HADHB: variants seen among roughly 807,000 people sequenced by gnomAD.
HADHB encodes the protein hydroxyacyl-CoA dehydrogenase trifunctional multienzyme complex subunit beta, also known as trifunctional enzyme subunit beta, mitochondrial.
In HADHB, 50 loss-of-function variants were observed where a neutral mutation model predicts 61.9. The observed-to-expected ratio is 0.81, with a 90% CI of 0.64 to 1.02. The LOEUF (loss-of-function observed/expected upper bound fraction) is 1.02. Ranked by LOEUF, HADHB falls within the 50% of genes least tolerant of loss-of-function variation. The pLI is 0.00. For synonymous variants in HADHB, 191 were observed against 201.6 expected (o/e 0.95, Z 0.45); for missense variants, 504 against 586.5 (o/e 0.86, Z 1.45).
intron 3 of HADHB, among the ~76,000 whole-genome samples, chr2:26,259,537 A>G (rs368779792): frequency 5.3e-5 from 8 of 152,304 alleles, no homozygotes; most frequent in Non-Finnish European, 7.3e-5. Context: ...CCTCAGGGTT[A>G]TAGAACAGCT....
intron 3 of HADHB, among the ~76,000 whole-genome samples, chr2:26,257,880 G>C (rs1041763645): frequency 6.6e-6 from 1 of 152,006 alleles, no homozygotes; most frequent in South Asian, 2.1e-4. Context: ...TTAGCCGGGC[G>C]TGGTGGCGGG....
chr2:26,289,933 G>A lies in HADHB; in HGVS notation c.1405G>A (p.Val469Met), dbSNP rs1673196031. 2.5e-6 allele frequency: 4 copies of A among 1,609,416 alleles called. No homozygotes were observed. Among genetic ancestry groups the A allele is most frequent in the Non-Finnish European group, 1.7e-6 (2 of 1,175,758 alleles). ...AAGGQGHAMI[V>M]EAYPK The stretch of plus-strand genomic sequence containing the variant: ...TTCTTTACAGGGCCATGCTATGATA[G>A]TGGAAGCTTATCCAAAATAATAGAT... The change falls in exon 16 of 16, where the codon GTG becomes ATG. Residue 469 changes from valine (V) to methionine (M), a missense_variant. Physicochemically the swap from Val to Met is conservative, Grantham distance 21 (BLOSUM62 1). Transcript: ENST00000317799.
chr2:26,279,891 T>G (rs1574664130), intron 9 of HADHB, 103 bp from the exon 10 acceptor site: 7 of 851,010 alleles, frequency 8.2e-6, no homozygotes, highest in Non-Finnish European at 1.2e-5. Context: ...ATAGGTAAGG[T>G]TTATATTTCA....
intron 12 of HADHB, among the ~76,000 whole-genome samples, chr2:26,283,308 A>G (rs1461833302): frequency 6.6e-6 from 1 of 152,106 alleles, no homozygotes; most frequent in Non-Finnish European, 1.5e-5. Context: ...GCAGACCACG[A>G]GGTCAGGAGA....
rs111271129 is a variant in HADHB at position 26,257,989 on chromosome 2, A to G, written c.109+3515A>G. Among the ~76,000 whole-genome samples the G allele has an allele frequency of 6.3e-3, 954 of 152,128 alleles. 8 individuals carry two copies. Among genetic ancestry groups the G allele is most frequent in the African/African-American group, 0.022 (893 of 41,518 alleles). On this transcript the variant is annotated intron_variant, in intron 3 of 15. Transcript: ENST00000317799. ...AGCCGAGATCGTGCCACTGTACTCT[A>G]GCCTGGGGACAGAGCAAGACTCTGT...
At chr2:26,270,399 G>A (rs763703633) in intron 5 of HADHB, among the ~76,000 whole-genome samples, 71 of 152,326 alleles carry the variant, frequency 4.7e-4, no homozygotes, top group Non-Finnish European at 8.8e-4. Context: ...GAATAATTTG[G>A]TTGAGAATCA....
At chr2:26,271,479 C>T (rs1672346254) in intron 5 of HADHB, among the ~76,000 whole-genome samples, 1 of 151,968 alleles carries the variant, frequency 6.6e-6, no homozygotes, top group Non-Finnish European at 1.5e-5. Flanking sequence ...TGCACTCCAG[C>T]CTGGGCAACA....
At chr2:26,245,283 T>TGTGTGTGGGCGTGTGTGGGC (rs1056221682) in intron 1 of HADHB, 2 of 162,488 alleles carry the variant, frequency 1.2e-5, no homozygotes, top group East Asian at 3.4e-4. Flanking sequence ...TGTGTGTGGG[T>TGTGTGTGGGCGTGTGTGGGC]GTGTGTGGGC....
In HADHB at chr2:26,290,162, C is replaced by A; in HGVS notation, c.*209C>A. On this transcript the variant is annotated 3_prime_UTR_variant, in exon 16 of 16. Transcript: ENST00000317799. ...TACTGCTCTTTCAGGGATTTCTAAGCCACCAGAATCTCACATGAGATGTGT... is the reference window on the plus strand; with the variant it reads ...TACTGCTCTTTCAGGGATTTCTAAGACACCAGAATCTCACATGAGATGTGT... 1.7e-6 allele frequency: 1 copy of A among 597,974 alleles called. No homozygotes were observed. Among genetic ancestry groups the A allele is most frequent in the Non-Finnish European group, 3.0e-6 (1 of 332,538 alleles). 37.0% of individuals were successfully genotyped at this position (597,974 alleles called of 1,614,324 possible).
intron 1 of HADHB, among the ~76,000 whole-genome samples, chr2:26,245,730 G>A (rs1558336364): frequency 6.6e-6 from 1 of 152,098 alleles, no homozygotes; most frequent in Admixed American, 6.6e-5. Flanking sequence ...GGAATGATGG[G>A]CTGGAGTCCT....
intron 7 of HADHB, among the ~76,000 whole-genome samples, chr2:26,278,091 A>C (rs915249858): frequency 1.3e-5 from 2 of 152,178 alleles, no homozygotes; most frequent in African/African-American, 4.8e-5. Context: ...TGGGCACCCC[A>C]CCTCATGTGT....
intron 3 of HADHB, among the ~76,000 whole-genome samples, chr2:26,257,967 CGA>C (rs1671700152): frequency 1.3e-5 from 2 of 151,788 alleles, no homozygotes; most frequent in East Asian, 3.9e-4. Flanking sequence ...TGCAGTGAGC[CGA>C]GATCGTGCCA....
chr2:26,255,511 AAAAG>A lies in HADHB; in HGVS notation c.109+1049_109+1052del, dbSNP rs1301644964. On this transcript the variant is annotated intron_variant, in intron 3 of 15. Coordinates refer to ENST00000317799, the MANE Select transcript of HADHB (RefSeq NM_000183.3). ...GAGACTCCGGCTCAAAAAAAAAAAA[AAAAG>A]AAAGAAAGAAAAAATCCTGGGATTT... 2.5e-3 allele frequency among the ~76,000 whole-genome samples: 379 copies of A among 151,686 alleles called. 1 individual carries two copies. The highest frequency in any genetic ancestry group is 8.3e-3 in the African/African-American group (345 of 41,410).
intron 3 of HADHB, among the ~76,000 whole-genome samples, chr2:26,262,472 G>A (rs147399972): frequency 3.2e-4 from 48 of 152,196 alleles, no homozygotes; most frequent in African/African-American, 1.1e-3. Flanking sequence ...TGTGGTAGGC[G>A]AAGGCATAAA....
At chr2:26,273,852 G>A (rs1672444847) in intron 6 of HADHB, 102 bp downstream of exon 6, 2 of 721,206 alleles carry the variant, frequency 2.8e-6, no homozygotes, top group Non-Finnish European at 5.1e-6. Context: ...AATCTATTGA[G>A]TTACATTTGA....
At chr2:26,265,497 G>C (rs2147811908) in intron 4 of HADHB, among the ~76,000 whole-genome samples, 1 of 152,160 alleles carries the variant, frequency 6.6e-6, no homozygotes, top group South Asian at 2.1e-4. Flanking sequence ...TTGGGAGGCT[G>C]AGGCAGGAGA....
intron 4 of HADHB, among the ~76,000 whole-genome samples, chr2:26,267,248 A>G (rs1672124303): frequency 6.6e-6 from 1 of 152,152 alleles, no homozygotes; most frequent in African/African-American, 2.4e-5. Context: ...ACAAAGAACC[A>G]GAGCTCCTTT....
intron 1 of HADHB, among the ~76,000 whole-genome samples, chr2:26,248,831 C>T (rs1481839160): frequency 2.6e-5 from 4 of 151,986 alleles, no homozygotes; most frequent in East Asian, 1.9e-4. Flanking sequence ...CAGAGGCGGG[C>T]GGATCACCTG....
intron 5 of HADHB, among the ~76,000 whole-genome samples, chr2:26,272,730 C>T (rs528945692): frequency 6.6e-6 from 1 of 152,200 alleles, no homozygotes; most frequent in South Asian, 2.1e-4. Flanking sequence ...TTCTTCTGGA[C>T]CTGGTATCAG....
Sources: allele counts gnomAD v4.1 joint callset (sites outside exome capture counted in the v4.1 genomes callset), GRCh38; gene constraint gnomAD v4.1.1; transcripts MANE v1.5; gene names NCBI Gene and HGNC (gene_info 2026-07-23, HGNC 2026-07-21).